Variants in SPATA6L observed in about 807,000 individuals in gnomAD.
SPATA6L encodes the protein spermatogenesis associated 6-like protein.
A neutral mutation model predicts 49.2 loss-of-function variants in SPATA6L; 68 were observed. That is an observed-to-expected ratio of 1.38 (90% CI 1.14 to 1.69). The LOEUF is 1.69. Among genes scored for constraint, SPATA6L ranks in the 40% most tolerant of loss-of-function variants. The pLI, the probability that SPATA6L is intolerant of heterozygous loss-of-function variation, is 0.00. For missense variants in SPATA6L, 668 were observed against 464.3 expected (o/e 1.44, Z -4.03); for synonymous variants, 198 against 165.7 (o/e 1.19, Z -1.50).
chr9:4,627,556 T>C (rs77731169), intron 5 of SPATA6L: 20,066 of 367,490 alleles, frequency 0.055, 945 homozygotes, highest in Admixed American at 0.16. Context: ...CCCAAAGTAT[T>C]TGGAGAAGCT....
downstream of SPATA6L, among the ~76,000 whole-genome samples, chr9:4,595,241 C>T (rs1003419930): frequency 6.6e-6 from 1 of 152,194 alleles, no homozygotes; most frequent in Non-Finnish European, 1.5e-5. Flanking sequence ...GGTACCTCCC[C>T]CATACACCCA....
In SPATA6L at chr9:4,662,928, G is replaced by T. The variant is rs1350006945; in HGVS notation, c.40-892C>A. On this transcript the variant is annotated intron_variant, in intron 1 of 11. Transcript: ENST00000682582. The surrounding 1 kb of genome is among the most constrained non-coding windows in gnomAD (Gnocchi z 4.9). ...CCTGCTGCTGGTGGCCTTGATCAAA[G>T]GGCTGGTCCGCAGGCGCCGCCCGGC... The T allele has an allele frequency of 6.2e-7, 1 of 1,610,948 alleles. No individual in the cohort carries two copies. Among genetic ancestry groups the T allele is most frequent in the Admixed American group, 1.7e-5 (1 of 59,994 alleles).
intron 3 of SPATA6L, among the ~76,000 whole-genome samples, chr9:4,646,764 C>A (rs1835473067): frequency 6.6e-6 from 1 of 152,030 alleles, no homozygotes; most frequent in Non-Finnish European, 1.5e-5. Context: ...TAAAAAAGAA[C>A]AAGCGTTCAT....
chr9:4,610,663 A>G (rs1358272752), intron 9 of SPATA6L, among the ~76,000 whole-genome samples: 2 of 152,086 alleles, frequency 1.3e-5, no homozygotes, highest in Non-Finnish European at 2.9e-5. Flanking sequence ...GGATTAAAGA[A>G]TTAAATGTTA....
intron 3 of SPATA6L, among the ~76,000 whole-genome samples, chr9:4,646,814 A>ATTAT (rs1340831921): frequency 6.6e-5 from 10 of 152,242 alleles, no homozygotes; most frequent in African/African-American, 2.4e-4. Context: ...AAACTAATGC[A>ATTAT]GAAAGAGAAA....
At chr9:4,633,180 C>A in intron 4 of SPATA6L, 1 of 154,728 alleles carries the variant, frequency 6.5e-6, no homozygotes, top group South Asian at 1.9e-4. Flanking sequence ...CTTATGTGGT[C>A]CAAATCAGCG....
At chr9:4,645,532 T>C (rs893885775) in intron 3 of SPATA6L, among the ~76,000 whole-genome samples, 7 of 152,136 alleles carry the variant, frequency 4.6e-5, no homozygotes, top group Non-Finnish European at 8.8e-5. Flanking sequence ...TCTCTCATCC[T>C]CCTCTTATAA....
chr9:4,619,417 C>G (rs10815038), intron 7 of SPATA6L, among the ~76,000 whole-genome samples: 10,670 of 152,152 alleles, frequency 0.07, 514 homozygotes, highest in East Asian at 0.26. Context: ...CTCAGCCTCC[C>G]AAAGTCCTGG....
Position 4,629,160 on chromosome 9 carries a change from AGCAAT to A in SPATA6L, c.355_359del (p.Ile119SerfsTer19). The A allele has an allele frequency of 6.3e-7, 1 of 1,597,318 alleles. No homozygotes were observed. The highest frequency in any genetic ancestry group is 8.5e-7 in the Non-Finnish European group (1 of 1,177,258). On this transcript the variant is annotated frameshift_variant, in exon 5 of 12. Coordinates refer to ENST00000682582, the MANE Select transcript of SPATA6L (RefSeq NM_001353486.2). LOFTEE classifies it high-confidence loss of function. ...TCCTTGTAGAAAACTCTATTTTGGG[AGCAAT>A]GCCCTATAAAACAGCATAAAAAAAG...
At chr9:4,629,549 C>T (rs982011297) in intron 4 of SPATA6L, among the ~76,000 whole-genome samples, 3 of 151,612 alleles carry the variant, frequency 2.0e-5, no homozygotes, top group Non-Finnish European at 4.4e-5. Context: ...AAACACTGTA[C>T]CATGGAATTG....
chr9:4,594,213 T>G (rs1275463934), downstream of SPATA6L, among the ~76,000 whole-genome samples: 2 of 152,086 alleles, frequency 1.3e-5, no homozygotes, highest in African/African-American at 2.4e-5. Context: ...TGGGTTTTTG[T>G]TTTTTGTTTT....
At chr9:4,627,233 T>G (rs913129370) in intron 5 of SPATA6L, 1 of 154,042 alleles carries the variant, frequency 6.5e-6, no homozygotes, top group Admixed American at 6.4e-5. Context: ...AAAACAGCAT[T>G]AAGATGGTAG....
intron 3 of SPATA6L, among the ~76,000 whole-genome samples, chr9:4,646,709 GGAATGA>G (rs767639811): frequency 1.3e-5 from 2 of 151,966 alleles, no homozygotes; most frequent in Non-Finnish European, 2.9e-5. Context: ...TCAAGAGAGT[GGAATGA>G]GAATAACAGA....
chr9:4,597,293 T>C (rs1249199364), downstream of SPATA6L, among the ~76,000 whole-genome samples: 2 of 150,622 alleles, frequency 1.3e-5, no homozygotes, highest in African/African-American at 2.5e-5. Flanking sequence ...CTCTATTTTT[T>C]ATATATATAA....
At chr9:4,632,854 T>C (rs542677986) in intron 4 of SPATA6L, among the ~76,000 whole-genome samples, 1 of 152,214 alleles carries the variant, frequency 6.6e-6, no homozygotes, top group Non-Finnish European at 1.5e-5. Flanking sequence ...TGTATTGCAT[T>C]AATCAGGACA....
Position 4,663,205 on chromosome 9 carries a change from A to G in SPATA6L, c.40-1169T>C, listed in dbSNP as rs140532555. The G allele has an allele frequency of 1.1e-4, 170 of 1,613,848 alleles. No individual in the cohort carries two copies. Among genetic ancestry groups the G allele is most frequent in the Admixed American group, 1.5e-4 (9 of 59,970 alleles). Reference sequence around the variant, plus strand: ...TACATGCAGTACAGCATCGTGGACTATTGCTGGCTCTCACCCCATAATGCT... The same window carrying G: ...TACATGCAGTACAGCATCGTGGACTGTTGCTGGCTCTCACCCCATAATGCT... On this transcript the variant is annotated intron_variant, in intron 1 of 11. Coordinates refer to ENST00000682582, the MANE Select transcript of SPATA6L (RefSeq NM_001353486.2).
intron 6 of SPATA6L, among the ~76,000 whole-genome samples, chr9:4,624,022 T>C (rs12342736): frequency 0.018 from 2,731 of 152,276 alleles, 78 homozygotes; most frequent in African/African-American, 0.06. Flanking sequence ...CAACTCTACA[T>C]ACAGTTATCT....
chr9:4,607,268 C>T (rs1825510091), intron 9 of SPATA6L, among the ~76,000 whole-genome samples: 1 of 152,084 alleles, frequency 6.6e-6, no homozygotes, highest in Admixed American at 6.6e-5. Flanking sequence ...GGCAGGCCAA[C>T]ATTCAGATTC....
At chr9:4,628,864 C>T in intron 5 of SPATA6L, 2 of 442,634 alleles carry the variant, frequency 4.5e-6, no homozygotes, top group Non-Finnish European at 7.9e-6. Flanking sequence ...CTGAATCACC[C>T]TGCTTCCAGC....
Sources: gnomAD v4.1 joint callset for allele counts (sites outside exome capture counted in the v4.1 genomes callset) on GRCh38, gnomAD v4.1.1 for gene constraint, Gnocchi (gnomAD v3.1) non-coding constraint, MANE v1.5 for transcripts, NCBI Gene and HGNC (gene_info 2026-07-23, HGNC 2026-07-21) for gene names.